IL1RAPL1: variants seen among roughly 807,000 people sequenced by gnomAD.
The protein encoded by IL1RAPL1 is interleukin-1 receptor accessory protein-like 1.
Under a neutral mutation model 48.4 loss-of-function variants are expected in IL1RAPL1, and 3 were observed. The ratio of observed to expected loss-of-function variants is 0.06; its 90% CI spans 0.03 to 0.16. The LOEUF (loss-of-function observed/expected upper bound fraction) is 0.16, where lower values mean the gene tolerates loss of function less well. IL1RAPL1 is among the 10% of genes least tolerant of loss of function. The pLI, the probability that IL1RAPL1 is intolerant of heterozygous loss-of-function variation, is 1.00. For missense variants in IL1RAPL1, 349 were observed against 530.6 expected, an observed-to-expected ratio of 0.66 and a Z score of 3.36; for synonymous variants, 185 against 187.7, an observed-to-expected ratio of 0.99 and a Z score of 0.12.
chrX:29,571,391 T>C (rs1358514384), intron 5 of IL1RAPL1, among the ~76,000 whole-genome samples: 1 of 111,319 alleles, frequency 9.0e-6, no homozygotes, highest in Non-Finnish European at 1.9e-5. Flanking sequence ...TAATGCCCTT[T>C]AGCAAAGTCT....
At chrX:29,333,665 G>A (rs866148308) in intron 3 of IL1RAPL1, among the ~76,000 whole-genome samples, 365 of 48,492 alleles carry the variant, frequency 7.5e-3, no homozygotes, top group African/African-American at 0.012. Context: ...GCCGGGCAGA[G>A]GCGCCCCTCA....
chrX:29,373,631 C>T (rs1397106062), intron 3 of IL1RAPL1, among the ~76,000 whole-genome samples: 1 of 110,240 alleles, frequency 9.1e-6, no homozygotes, highest in African/African-American at 3.3e-5. Flanking sequence ...TTGTTTTAAT[C>T]AGGAATAGAT....
At chrX:29,183,207 T>A (rs746251687) in intron 2 of IL1RAPL1, among the ~76,000 whole-genome samples, 1 of 111,791 alleles carries the variant, frequency 8.9e-6, no homozygotes, top group African/African-American at 3.3e-5. Context: ...AGAAACCAAA[T>A]ATTTCTATAC....
intron 5 of IL1RAPL1, among the ~76,000 whole-genome samples, chrX:29,578,284 A>C (rs1180824368): frequency 8.9e-6 from 1 of 111,760 alleles, no homozygotes; most frequent in Non-Finnish European, 1.9e-5. Context: ...AGGTTAAAGT[A>C]CTTTTCTGCC....
At chrX:29,305,005 C>A (rs1932596177) in intron 3 of IL1RAPL1, among the ~76,000 whole-genome samples, 1 of 112,302 alleles carries the variant, frequency 8.9e-6, no homozygotes, top group Non-Finnish European at 1.9e-5. Flanking sequence ...CTGTGCTAAT[C>A]ATTGAAGAAC....
chrX:29,711,826 G>A (rs1464728710), intron 6 of IL1RAPL1, among the ~76,000 whole-genome samples: 1 of 111,336 alleles, frequency 9.0e-6, no homozygotes, highest in Non-Finnish European at 1.9e-5. Context: ...TTAATCTTAT[G>A]CAGTCTTTGA....
intron 1 of IL1RAPL1, among the ~76,000 whole-genome samples, chrX:28,625,789 G>C (rs1442512663): frequency 1.9e-5 from 2 of 103,125 alleles, no homozygotes; most frequent in Non-Finnish European, 3.9e-5. Flanking sequence ...AATCTATATA[G>C]GTGCTTTCTT....
At chrX:29,506,438 T>C (rs5927657) in intron 5 of IL1RAPL1, among the ~76,000 whole-genome samples, 4,971 of 90,537 alleles carry the variant, frequency 0.055, 371 homozygotes, top group African/African-American at 0.2. Flanking sequence ...TCCTTCTCCT[T>C]CTCCTCCTCC....
rs369468252 is a variant in IL1RAPL1 at position 29,001,665 on chromosome X, A to G, written c.82+212240A>G. Among the ~76,000 whole-genome samples, 17 of 112,045 alleles carry G rather than the reference A, an allele frequency of 1.5e-4. No homozygotes were observed. In the East Asian group the frequency reaches 2.8e-3, roughly 18 times the overall value. On this transcript the variant is annotated intron_variant, in intron 2 of 10. Coordinates refer to ENST00000378993, the MANE Select transcript of IL1RAPL1 (RefSeq NM_014271.4). ...ATAAGGTTAAATAAGTATATTTTTT[A>G]AAGATTTGACCTTCTAAAAGTTCAT... is the stretch of plus-strand genomic sequence containing the variant.
intron 2 of IL1RAPL1, among the ~76,000 whole-genome samples, chrX:28,799,803 C>A (rs1259705576): frequency 9.0e-6 from 1 of 111,153 alleles, no homozygotes; most frequent in Admixed American, 9.6e-5. Flanking sequence ...TGAAATAATT[C>A]GAGGAGAGGT....
Position 29,701,410 on chromosome X carries a change from G to C in IL1RAPL1, c.778+32906G>C, listed in dbSNP as rs556130114. Among the ~76,000 whole-genome samples, 45 of 112,086 alleles carry C rather than the reference G, an allele frequency of 4.0e-4. No individual in the cohort carries two copies. In the South Asian group the frequency reaches 0.015, roughly 37 times the overall value. ...ATCTCAAGAAATGTTAGTTGTTGCT[G>C]TTGTTGTTTTTATTAGTATTATTCA... On this transcript the variant is annotated intron_variant, in intron 6 of 10. Coordinates refer to ENST00000378993, the MANE Select transcript of IL1RAPL1 (RefSeq NM_014271.4).
At chrX:29,053,373 T>A (rs1927140117) in intron 2 of IL1RAPL1, among the ~76,000 whole-genome samples, 1 of 111,835 alleles carries the variant, frequency 8.9e-6, no homozygotes, top group Admixed American at 9.5e-5. Flanking sequence ...GAAGGATTTA[T>A]ATTCCCTTGG....
At chrX:28,745,964 T>A (rs1935971737) in intron 1 of IL1RAPL1, among the ~76,000 whole-genome samples, 1 of 111,498 alleles carries the variant, frequency 9.0e-6, no homozygotes, top group South Asian at 3.7e-4. Context: ...TTAAGAAAAA[T>A]AACTTTTTAA....
chrX:28,945,063 G>T (rs1461568335), intron 2 of IL1RAPL1, among the ~76,000 whole-genome samples: 1 of 111,048 alleles, frequency 9.0e-6, no homozygotes, highest in African/African-American at 3.3e-5. Flanking sequence ...ACCATCTCAC[G>T]CCAGTCAGAA....
chrX:29,371,008 T>C (rs1933536507), intron 3 of IL1RAPL1, among the ~76,000 whole-genome samples: 2 of 110,179 alleles, frequency 1.8e-5, no homozygotes, highest in Non-Finnish European at 3.8e-5. Context: ...TTTCCTGTGT[T>C]GGGAACATTC....
chrX:29,651,677 G>A (rs1037444409), intron 5 of IL1RAPL1, among the ~76,000 whole-genome samples: 3 of 111,436 alleles, frequency 2.7e-5, no homozygotes, highest in Non-Finnish European at 5.7e-5. Context: ...TAGTTAGATA[G>A]AAGGAATAGG....
chrX:29,484,111 C>T (rs1298626880), intron 5 of IL1RAPL1, among the ~76,000 whole-genome samples: 5 of 109,640 alleles, frequency 4.6e-5, no homozygotes, highest in Non-Finnish European at 9.5e-5. Flanking sequence ...TCTTGCTTTT[C>T]TTGGAGAAAG....
intron 3 of IL1RAPL1, among the ~76,000 whole-genome samples, chrX:29,391,174 C>CA (rs764215826): frequency 0.02 from 1,768 of 90,045 alleles, 25 homozygotes; most frequent in African/African-American, 0.059. Context: ...AATTCCATCT[C>CA]AAAAAAAAAA....
chrX:28,817,489 A>T (rs1936884143), intron 2 of IL1RAPL1, among the ~76,000 whole-genome samples: 1 of 111,253 alleles, frequency 9.0e-6, no homozygotes, highest in African/African-American at 3.3e-5. Context: ...CACTAATAGG[A>T]GACTGCTGGC....
Sources: allele counts gnomAD v4.1 joint callset (sites outside exome capture counted in the v4.1 genomes callset), GRCh38; gene constraint gnomAD v4.1.1; transcripts MANE v1.5; gene names NCBI Gene and HGNC (gene_info 2026-07-23, HGNC 2026-07-21).